GRIA1: variants seen among roughly 807,000 people sequenced by gnomAD.
GRIA1 encodes the protein glutamate ionotropic receptor AMPA type subunit 1.
Under a neutral mutation model 99.2 loss-of-function variants are expected in GRIA1, and 31 were observed. The ratio of observed to expected loss-of-function variants is 0.31; its 90% CI spans 0.23 to 0.42. The LOEUF is 0.42. GRIA1 is among the 10% of genes least tolerant of loss of function. GRIA1 has a pLI of 1.00. For missense variants in GRIA1, 782 were observed against 1,157.5 expected (o/e 0.68, Z 4.71); for synonymous variants, 438 against 432.4 (o/e 1.01, Z -0.16).
chr5:153,750,103 A>G (rs955006402), intron 11 of GRIA1, among the ~76,000 whole-genome samples: 7 of 152,140 alleles, frequency 4.6e-5, no homozygotes, highest in African/African-American at 1.7e-4. Context: ...AGCTGGTGAC[A>G]AATGGGATGA....
At chr5:153,646,415 A>G (rs1197841344) in intron 2 of GRIA1, among the ~76,000 whole-genome samples, 2 of 152,152 alleles carry the variant, frequency 1.3e-5, no homozygotes, top group African/African-American at 4.8e-5. Context: ...TGAGGGGAAG[A>G]TCGTTAGATT....
At chr5:153,560,830 G>A (rs1049802034) in intron 2 of GRIA1, among the ~76,000 whole-genome samples, 2 of 152,152 alleles carry the variant, frequency 1.3e-5, no homozygotes, top group Admixed American at 6.5e-5. Context: ...CCACTAAGAT[G>A]AGTTTTGGAG....
At chr5:153,807,447 G>A (rs1196396294) in intron 15 of GRIA1, among the ~76,000 whole-genome samples, 1 of 152,214 alleles carries the variant, frequency 6.6e-6, no homozygotes, top group East Asian at 1.9e-4. Context: ...GAATGGGTCA[G>A]TCAGAGCAGC....
intron 7 of GRIA1, among the ~76,000 whole-genome samples, chr5:153,685,453 C>T (rs763496917): frequency 3.3e-5 from 5 of 152,180 alleles, no homozygotes; most frequent in Non-Finnish European, 7.3e-5. Flanking sequence ...TTTGAGGGTT[C>T]CAATACAATT....
At chr5:153,705,306 C>G (rs904397172) in intron 10 of GRIA1, among the ~76,000 whole-genome samples, 4 of 152,148 alleles carry the variant, frequency 2.6e-5, no homozygotes, top group African/African-American at 7.2e-5. Context: ...ACCTGCTTCC[C>G]CATGTAGCCA....
rs527488192 is a variant in GRIA1 at position 153,692,043 on chromosome 5, T to A, written c.1134+5714T>A. On this transcript the variant is annotated intron_variant, in intron 8 of 15. Coordinates refer to ENST00000285900, the MANE Select transcript of GRIA1 (RefSeq NM_000827.4). Reference sequence around the variant, plus strand: ...TCATTTCTCTGCAGTTACACTGGCATCTTTGCATTCCTTGAGCACAGCCTC... The same window carrying A: ...TCATTTCTCTGCAGTTACACTGGCAACTTTGCATTCCTTGAGCACAGCCTC... Among the ~76,000 whole-genome samples, 5 of 152,328 alleles carry A rather than the reference T, an allele frequency of 3.3e-5. No homozygotes were observed. The South Asian group carries it at 8.3e-4, about 25-fold the overall frequency.
intron 2 of GRIA1, among the ~76,000 whole-genome samples, chr5:153,529,395 CCT>C (rs1394909066): frequency 6.6e-6 from 1 of 152,204 alleles, no homozygotes; most frequent in African/African-American, 2.4e-5. Context: ...CACACTGTAA[CCT>C]CTGAGTTCAG....
chr5:153,495,373 T>C (rs1226157630), intron 2 of GRIA1, among the ~76,000 whole-genome samples: 1 of 152,154 alleles, frequency 6.6e-6, no homozygotes, highest in Non-Finnish European at 1.5e-5. Context: ...AAACTGAGGC[T>C]ACAACAGATT....
rs145323491 is a variant in GRIA1 at position 153,505,860 on chromosome 5, G to A, written c.220+11795G>A. 1.5e-3 allele frequency among the ~76,000 whole-genome samples: 224 copies of A among 152,324 alleles called. 2 individuals are homozygous for A. The highest frequency in any genetic ancestry group is 5.2e-3 in the African/African-American group (217 of 41,566). On this transcript the variant is annotated intron_variant, in intron 2 of 15. Transcript: ENST00000285900. ...AGGATGTAGTGACATCACCACTATGGTAGAGAAGAACACCTTTAAAGTAAG... is the reference window on the plus strand; with the variant it reads ...AGGATGTAGTGACATCACCACTATGATAGAGAAGAACACCTTTAAAGTAAG...
At chr5:153,521,014 T>C (rs1757086762) in intron 2 of GRIA1, among the ~76,000 whole-genome samples, 4 of 152,212 alleles carry the variant, frequency 2.6e-5, no homozygotes, top group Admixed American at 2.6e-4. Context: ...CAGATCTGTC[T>C]GATCTTTGAA....
chr5:153,561,836 AG>A (rs1761156637), intron 2 of GRIA1, among the ~76,000 whole-genome samples: 1 of 152,210 alleles, frequency 6.6e-6, no homozygotes. Context: ...CCAGGAAGAC[AG>A]TGGAGGGTAG....
intron 7 of GRIA1, among the ~76,000 whole-genome samples, chr5:153,680,170 C>G (rs1329107060): frequency 1.3e-5 from 2 of 152,130 alleles, no homozygotes; most frequent in African/African-American, 4.8e-5. Flanking sequence ...AGGGAAGACA[C>G]AAGAGCTATG....
chr5:153,716,462 T>C (rs142822686), intron 11 of GRIA1, among the ~76,000 whole-genome samples: 1 of 152,324 alleles, frequency 6.6e-6, no homozygotes, highest in East Asian at 1.9e-4. Context: ...TCTGGTTTTT[T>C]TAATGGGCCT....
At chr5:153,693,322 C>A (rs1310856551) in intron 8 of GRIA1, among the ~76,000 whole-genome samples, 1 of 152,172 alleles carries the variant, frequency 6.6e-6, no homozygotes, top group Non-Finnish European at 1.5e-5. Context: ...TGGGAAATGT[C>A]ATTGCTGGCC....
intron 2 of GRIA1, among the ~76,000 whole-genome samples, chr5:153,549,311 C>G (rs72800768): frequency 0.47 from 70,918 of 152,030 alleles, 18,279 homozygotes; most frequent in Non-Finnish European, 0.59. Context: ...GAGCTCTGCA[C>G]AATACATTAT....
At chr5:153,707,461 A>G (rs1758984947) in intron 11 of GRIA1, among the ~76,000 whole-genome samples, 1 of 152,162 alleles carries the variant, frequency 6.6e-6, no homozygotes, top group Non-Finnish European at 1.5e-5. Flanking sequence ...ATAAATAAGC[A>G]CTGACTCTAT....
At chr5:153,604,787 G>A (rs1392345387) in intron 2 of GRIA1, among the ~76,000 whole-genome samples, 2 of 152,102 alleles carry the variant, frequency 1.3e-5, no homozygotes, top group African/African-American at 4.8e-5. Context: ...CATCCATAAG[G>A]AAGAAACTGA....
intron 5 of GRIA1, among the ~76,000 whole-genome samples, chr5:153,667,272 T>A (rs1030068935): frequency 4.6e-5 from 7 of 152,320 alleles, no homozygotes; most frequent in Non-Finnish European, 1.0e-4. Flanking sequence ...TGTTAGATGC[T>A]CCTTCTTCCT....
chr5:153,601,099 A>G (rs979321500), intron 2 of GRIA1, among the ~76,000 whole-genome samples: 2 of 152,212 alleles, frequency 1.3e-5, no homozygotes, highest in African/African-American at 4.8e-5. Flanking sequence ...GATGAACAGA[A>G]TGATGATAAA....
Sources: allele counts gnomAD v4.1 joint callset (sites outside exome capture counted in the v4.1 genomes callset), GRCh38; gene constraint gnomAD v4.1.1; transcripts MANE v1.5; gene names NCBI Gene and HGNC (gene_info 2026-07-23, HGNC 2026-07-21).